The following PLXDC2 variants were observed in gnomAD, a reference collection of about 807,000 sequenced individuals.
PLXDC2 encodes the protein plexin domain containing 2.
A neutral mutation model predicts 68.9 loss-of-function variants in PLXDC2; 40 were observed. That is an observed-to-expected ratio of 0.58 (90% CI 0.45 to 0.76). The LOEUF is 0.76. Among genes scored for constraint, PLXDC2 ranks in the 30% least tolerant of loss-of-function variants. The pLI is 0.00. For synonymous variants in PLXDC2, 243 were observed against 234.2 expected (o/e 1.04, Z -0.34); for missense variants, 644 against 661.9 (o/e 0.97, Z 0.30).
chr10:20,160,075 C>T (rs1421745127), intron 6 of PLXDC2, among the ~76,000 whole-genome samples: 5 of 152,134 alleles, frequency 3.3e-5, no homozygotes, highest in Admixed American at 3.3e-4. Flanking sequence ...GTTTTCCTAT[C>T]TGCTGTAATT....
chr10:20,244,985 A>G (rs1251101450), intron 12 of PLXDC2, among the ~76,000 whole-genome samples: 1 of 152,134 alleles, frequency 6.6e-6, no homozygotes, highest in African/African-American at 2.4e-5. Flanking sequence ...GTGGTGACTC[A>G]CACCTGTAAT....
At chr10:20,195,911 C>A (rs577591912) in intron 9 of PLXDC2, among the ~76,000 whole-genome samples, 1 of 152,102 alleles carries the variant, frequency 6.6e-6, no homozygotes, top group Non-Finnish European at 1.5e-5. Context: ...GTACAGCACA[C>A]CTCAACCCCC....
At chr10:19,878,132 A>C (rs1445984022) in intron 1 of PLXDC2, among the ~76,000 whole-genome samples, 1 of 152,194 alleles carries the variant, frequency 6.6e-6, no homozygotes, top group Non-Finnish European at 1.5e-5. Flanking sequence ...ATTATTGGCT[A>C]TAACATATGT....
intron 13 of PLXDC2, among the ~76,000 whole-genome samples, chr10:20,277,323 G>A (rs1836021737): frequency 6.7e-6 from 1 of 148,918 alleles, no homozygotes; most frequent in African/African-American, 2.5e-5. Flanking sequence ...GATTTATATA[G>A]ATTTCCCTTA....
chr10:20,113,304 G>C (rs993718590), intron 4 of PLXDC2, among the ~76,000 whole-genome samples: 2 of 152,276 alleles, frequency 1.3e-5, no homozygotes, highest in South Asian at 2.1e-4. Flanking sequence ...CCAAGATTGG[G>C]TTAACTTTTA....
intron 2 of PLXDC2, among the ~76,000 whole-genome samples, chr10:20,039,997 C>G (rs536469679): frequency 9.8e-5 from 15 of 152,316 alleles, no homozygotes; most frequent in Admixed American, 5.2e-4. Flanking sequence ...ATCGACCTTT[C>G]TTGGCCAAGA....
chr10:20,097,268 C>G (rs1034946814), intron 4 of PLXDC2, among the ~76,000 whole-genome samples: 8 of 152,154 alleles, frequency 5.3e-5, no homozygotes, highest in Non-Finnish European at 7.4e-5. Flanking sequence ...AGCAGGTGGT[C>G]TTCACAGCTA....
chr10:19,864,151 C>T (rs766676867), intron 1 of PLXDC2, among the ~76,000 whole-genome samples: 1 of 152,076 alleles, frequency 6.6e-6, no homozygotes, highest in African/African-American at 2.4e-5. Context: ...CAGGCAGGTG[C>T]ACCACATGTA....
At chr10:19,939,515 C>T (rs1014185230) in intron 1 of PLXDC2, among the ~76,000 whole-genome samples, 1 of 152,148 alleles carries the variant, frequency 6.6e-6, no homozygotes, top group South Asian at 2.1e-4. Flanking sequence ...AAAAAGAGAA[C>T]TGTATAGCAG....
In PLXDC2 at chr10:20,191,621, G is replaced by A. The variant is rs145389189; in HGVS notation, c.1061+14212G>A. Among the ~76,000 whole-genome samples the A allele has an allele frequency of 7.8e-4, 117 of 150,896 alleles. 1 individual carries two copies. Among genetic ancestry groups the A allele is most frequent in the African/African-American group, 2.6e-3 (108 of 41,168 alleles). ...AATCACAGGGGCCCTGGTGTGTGTT[G>A]TTCCCCTTCCTGTGTCCATGTGTTC... On this transcript the variant is annotated intron_variant, in intron 9 of 13. Transcript: ENST00000377252.
intron 2 of PLXDC2, among the ~76,000 whole-genome samples, chr10:20,020,631 A>G (rs961489705): frequency 6.6e-6 from 1 of 152,084 alleles, no homozygotes; most frequent in Non-Finnish European, 1.5e-5. Flanking sequence ...ATTTGTAAAC[A>G]CTATTCCTTA....
chr10:20,054,429 A>AT (rs969372269), intron 3 of PLXDC2, among the ~76,000 whole-genome samples: 1 of 151,966 alleles, frequency 6.6e-6, no homozygotes, highest in African/African-American at 2.4e-5. Context: ...GGACAGATGG[A>AT]TGGATGGATG....
At chr10:20,010,113 T>C (rs1315314938) in intron 2 of PLXDC2, among the ~76,000 whole-genome samples, 1 of 152,188 alleles carries the variant, frequency 6.6e-6, no homozygotes, top group African/African-American at 2.4e-5. Context: ...ATTCTGAAGG[T>C]TAATTGCAGG....
intron 13 of PLXDC2, among the ~76,000 whole-genome samples, chr10:20,272,165 A>T (rs1252780409): frequency 6.6e-6 from 1 of 152,066 alleles, no homozygotes; most frequent in Non-Finnish European, 1.5e-5. Context: ...CACTTGGAGG[A>T]TTTGCTAAAA....
chr10:19,998,479 G>A (rs534494226), intron 1 of PLXDC2, among the ~76,000 whole-genome samples: 331 of 152,178 alleles, frequency 2.2e-3, no homozygotes, highest in Non-Finnish European at 3.5e-3. Context: ...CTCTATGCAC[G>A]ACCAGGTAGC....
At chr10:20,224,790 T>C (rs756407860) in intron 12 of PLXDC2, among the ~76,000 whole-genome samples, 1 of 152,242 alleles carries the variant, frequency 6.6e-6, no homozygotes, top group Non-Finnish European at 1.5e-5. Context: ...TCTTGGTTCA[T>C]TTAAAGTTTC....
At chr10:20,154,061 A>C (rs868856543) in intron 6 of PLXDC2, among the ~76,000 whole-genome samples, 59 of 152,198 alleles carry the variant, frequency 3.9e-4, no homozygotes, top group Non-Finnish European at 7.2e-4. Context: ...CCAAAAAAAA[A>C]CCGGATCCTT....
intron 1 of PLXDC2, among the ~76,000 whole-genome samples, chr10:19,861,226 G>T (rs549794486): frequency 1.2e-4 from 18 of 151,666 alleles, no homozygotes; most frequent in Non-Finnish European, 2.4e-4. Context: ...GTAGAGATGG[G>T]GTTTCACCAT....
At chr10:19,893,147 G>T (rs1418994300) in intron 1 of PLXDC2, among the ~76,000 whole-genome samples, 2 of 152,060 alleles carry the variant, frequency 1.3e-5, no homozygotes, top group African/African-American at 4.8e-5. Flanking sequence ...GGGACGCCTA[G>T]GTGTGGGGAT....
Sources: allele counts gnomAD v4.1 joint callset (sites outside exome capture counted in the v4.1 genomes callset), GRCh38; gene constraint gnomAD v4.1.1; transcripts MANE v1.5; gene names NCBI Gene and HGNC (gene_info 2026-07-23, HGNC 2026-07-21).